OPCML: variants seen among roughly 807,000 people sequenced by gnomAD.
The protein encoded by OPCML is opioid-binding protein/cell adhesion molecule.
OPCML carries 13 observed loss-of-function variants against 37.8 expected under a neutral mutation model. The ratio of observed to expected loss-of-function variants is 0.34; its 90% CI spans 0.22 to 0.55. The LOEUF (loss-of-function observed/expected upper bound fraction) is 0.55. OPCML is among the 20% of genes least tolerant of loss of function. The pLI, the probability that OPCML is intolerant of heterozygous loss-of-function variation, is 0.91. For synonymous variants in OPCML, 176 were observed against 168.8 expected (o/e 1.04, Z -0.33); for missense variants, 341 against 435.6 (o/e 0.78, Z 1.93).
At chr11:132,591,224 C>T (rs2096483959) in intron 3 of OPCML, among the ~76,000 whole-genome samples, 1 of 152,172 alleles carries the variant, frequency 6.6e-6, no homozygotes, top group Non-Finnish European at 1.5e-5. Context: ...GCGCCACAGA[C>T]AGAGACGGGT....
chr11:132,731,754 C>T (rs725284), intron 2 of OPCML, among the ~76,000 whole-genome samples: 8,183 of 152,180 alleles, frequency 0.054, 633 homozygotes, highest in African/African-American at 0.17. Context: ...AAGCAGCTAA[C>T]AGGGTTGGGG....
chr11:133,471,633 A>T (rs988099471), intron 1 of OPCML, among the ~76,000 whole-genome samples: 25 of 152,200 alleles, frequency 1.6e-4, no homozygotes, highest in African/African-American at 5.5e-4. Flanking sequence ...AAAAAAAACA[A>T]GAGTAAAAAA....
chr11:133,445,980 T>C (rs959158646), intron 1 of OPCML, among the ~76,000 whole-genome samples: 1 of 152,118 alleles, frequency 6.6e-6, no homozygotes, highest in African/African-American at 2.4e-5. Flanking sequence ...ATTTGCATGA[T>C]CTAAAAGGGG....
chr11:132,519,627 C>T (rs551486329), intron 4 of OPCML, among the ~76,000 whole-genome samples: 1 of 152,192 alleles, frequency 6.6e-6, no homozygotes, highest in East Asian at 1.9e-4. Flanking sequence ...CATTGCTAGA[C>T]CTTCACACAC....
intron 1 of OPCML, among the ~76,000 whole-genome samples, chr11:133,187,512 G>A (rs150988017): frequency 2.0e-5 from 3 of 152,074 alleles, no homozygotes; most frequent in Non-Finnish European, 2.9e-5. Context: ...TTTTCGCATG[G>A]TCTGTTGGTT....
chr11:132,624,607 C>A (rs1030898266), intron 3 of OPCML, among the ~76,000 whole-genome samples: 1 of 152,014 alleles, frequency 6.6e-6, no homozygotes, highest in Non-Finnish European at 1.5e-5. Flanking sequence ...CCATGTTGAT[C>A]TCACTGATCC....
intron 1 of OPCML, among the ~76,000 whole-genome samples, chr11:133,513,451 C>G (rs1382673072): frequency 6.6e-6 from 1 of 152,204 alleles, no homozygotes; most frequent in Non-Finnish European, 1.5e-5. Context: ...CCCCAAACAT[C>G]AGTGCATGTG....
At chr11:132,670,265 C>G (rs947634076) in intron 2 of OPCML, among the ~76,000 whole-genome samples, 4 of 152,154 alleles carry the variant, frequency 2.6e-5, no homozygotes, top group Admixed American at 2.0e-4. Flanking sequence ...CGCAAGTCAG[C>G]CACAGGCTCC....
chr11:133,506,845 C>T (rs116092072), intron 1 of OPCML, among the ~76,000 whole-genome samples: 2,301 of 152,340 alleles, frequency 0.015, 45 homozygotes, highest in African/African-American at 0.052. Flanking sequence ...ACTCGGTGCA[C>T]GCCTTCAAAG....
chr11:133,341,872 C>A (rs963588418), intron 1 of OPCML, among the ~76,000 whole-genome samples: 2 of 151,952 alleles, frequency 1.3e-5, no homozygotes, highest in African/African-American at 4.8e-5. Context: ...GAGCCGAGAT[C>A]GCGCCATTGC....
chr11:132,948,074 G>T (rs1039909837), intron 1 of OPCML, among the ~76,000 whole-genome samples: 3 of 152,192 alleles, frequency 2.0e-5, no homozygotes, highest in African/African-American at 7.2e-5. Context: ...CTGCCTGGCT[G>T]GTACCCAGGA....
At chr11:133,320,186 T>C (rs997245407) in intron 1 of OPCML, among the ~76,000 whole-genome samples, 11 of 152,240 alleles carry the variant, frequency 7.2e-5, no homozygotes, top group African/African-American at 2.7e-4. Context: ...CTGACACACT[T>C]AATTTTTCTA....
At chr11:132,775,458 A>T (rs1356679604) in intron 2 of OPCML, among the ~76,000 whole-genome samples, 1 of 152,188 alleles carries the variant, frequency 6.6e-6, no homozygotes, top group Non-Finnish European at 1.5e-5. Context: ...TCTTCCTTCA[A>T]TAACCACCAA....
chr11:133,184,141 G>GT (rs1210050984), intron 1 of OPCML, among the ~76,000 whole-genome samples: 1 of 152,180 alleles, frequency 6.6e-6, no homozygotes, highest in Non-Finnish European at 1.5e-5. Flanking sequence ...GGAGTGGCAA[G>GT]TGACTGCTTA....
At chr11:132,485,330 G>A (rs911498988) in intron 4 of OPCML, among the ~76,000 whole-genome samples, 2 of 152,174 alleles carry the variant, frequency 1.3e-5, no homozygotes, top group African/African-American at 4.8e-5. Context: ...GTAGGAGAGA[G>A]GGGGTTCCAA....
At chr11:133,362,449 G>A (rs923337632) in intron 1 of OPCML, among the ~76,000 whole-genome samples, 1 of 152,160 alleles carries the variant, frequency 6.6e-6, no homozygotes, top group Non-Finnish European at 1.5e-5. Context: ...ACCACCCAGG[G>A]AGCAGTGCGG....
At chr11:133,013,513 A>G (rs1326220734) in intron 1 of OPCML, among the ~76,000 whole-genome samples, 4 of 152,276 alleles carry the variant, frequency 2.6e-5, no homozygotes, top group African/African-American at 7.2e-5. Flanking sequence ...CATCATAAGC[A>G]TAATGGTCCA....
intron 1 of OPCML, among the ~76,000 whole-genome samples, chr11:133,213,229 T>G (rs939483331): frequency 6.6e-6 from 1 of 151,706 alleles, no homozygotes; most frequent in Non-Finnish European, 1.5e-5. Flanking sequence ...ATGAGTTTTT[T>G]TTTTTTTTTT....
intron 1 of OPCML, among the ~76,000 whole-genome samples, chr11:133,223,428 G>T (rs1939916211): frequency 6.6e-6 from 1 of 152,060 alleles, no homozygotes; most frequent in South Asian, 2.1e-4. Context: ...TATTTTTCTT[G>T]TTTCTTTTTC....
Sources: allele counts gnomAD v4.1 joint callset (sites outside exome capture counted in the v4.1 genomes callset), GRCh38; gene constraint gnomAD v4.1.1; transcripts MANE v1.5; gene names NCBI Gene and HGNC (gene_info 2026-07-23, HGNC 2026-07-21).